XPNPEP3: variants seen among roughly 807,000 people sequenced by gnomAD.
XPNPEP3 encodes the protein X-prolyl aminopeptidase 3, also known as xaa-Pro aminopeptidase 3.
Under a neutral mutation model 60.0 loss-of-function variants are expected in XPNPEP3, and 41 were observed. The ratio of observed to expected loss-of-function variants is 0.68; its 90% CI spans 0.53 to 0.89. The LOEUF is 0.89. Ranked by LOEUF, XPNPEP3 falls within the 40% of genes least tolerant of loss-of-function variation. The probability of loss-of-function intolerance (pLI) is 0.00; values close to 1 mark genes in which losing one functional copy is unlikely to be tolerated. For synonymous variants in XPNPEP3, 212 were observed against 223.2 expected (o/e 0.95, Z 0.45); for missense variants, 598 against 638.9 (o/e 0.94, Z 0.69).
intron 2 of XPNPEP3, among the ~76,000 whole-genome samples, chr22:40,871,338 A>G (rs2058004652): frequency 6.6e-6 from 1 of 152,106 alleles, no homozygotes; most frequent in Non-Finnish European, 1.5e-5. Context: ...GGGTGACAGA[A>G]TGAGACCGTG....
At chr22:40,870,869 C>CA (rs1220852201) in intron 2 of XPNPEP3, among the ~76,000 whole-genome samples, 5 of 148,086 alleles carry the variant, frequency 3.4e-5, no homozygotes, top group Middle Eastern at 3.5e-3. Flanking sequence ...AAATACCCCC[C>CA]AAAAAAAAAA....
chr22:40,858,908 T>G (rs1219880925), intron 1 of XPNPEP3, among the ~76,000 whole-genome samples: 1 of 152,198 alleles, frequency 6.6e-6, no homozygotes, highest in Non-Finnish European at 1.5e-5. Context: ...TCAAATACTT[T>G]TGGGGAATGC....
In XPNPEP3 at chr22:40,922,350, C is replaced by A. The variant is rs770399269; in HGVS notation, c.1073C>A (p.Ala358Glu). 1.9e-6 allele frequency: 3 copies of A among 1,613,858 alleles called. No individual in the cohort carries two copies. The South Asian group carries it at 3.3e-5, about 18-fold the overall frequency. The change falls in exon 8 of 10, where the codon GCA (alanine) becomes GAA (glutamate). Residue 358 changes from alanine to glutamate, a missense_variant. Transcript: ENST00000357137. ...GTCCCCAGGTTCACCGCACCTCAGG[C>A]AGAACTCTATGAAGCCGTTCTAGAG... ...PVNGRFTAPQ[A>E]ELYEAVLEIQ...
intron 4 of XPNPEP3, among the ~76,000 whole-genome samples, chr22:40,886,959 GTAGTGAACATACC>G (rs1255332975): frequency 1.3e-5 from 2 of 152,120 alleles, no homozygotes; most frequent in African/African-American, 4.8e-5. Flanking sequence ...GCTCCAGTGT[GTAGTGAACATACC>G]TAGAGACTTG....
intron 3 of XPNPEP3, among the ~76,000 whole-genome samples, chr22:40,884,531 A>AGTAGAGACAAG (rs2058061045): frequency 6.6e-6 from 1 of 150,510 alleles, no homozygotes; most frequent in African/African-American, 2.4e-5. Context: ...ACAAGGTTTT[A>AGTAGAGACAAG]CCATGTTAGT....
chr22:40,914,341 G>GT lies in XPNPEP3; in HGVS notation c.1055+18dup, dbSNP rs1569030752. 1.2e-6 allele frequency: 2 copies of GT among 1,603,594 alleles called. No homozygotes were observed. The highest frequency in any genetic ancestry group is 4.5e-5 in the East Asian group (2 of 44,812). ...CAATGGCAGGTAGGGCTTCTACAGA[G>GT]TAACGTATCCCACTGCTTCTTAGGA... On this transcript the variant is annotated intron_variant, in intron 7 of 9. Transcript: ENST00000357137.
chr22:40,911,509 C>G (rs1601516801), intron 6 of XPNPEP3, among the ~76,000 whole-genome samples: 1 of 149,548 alleles, frequency 6.7e-6, no homozygotes, highest in East Asian at 2.0e-4. Flanking sequence ...CATTCAGTAT[C>G]TCTCCTATAT....
chr22:40,865,692 G>A (rs1274946493), intron 1 of XPNPEP3, among the ~76,000 whole-genome samples: 1 of 145,490 alleles, frequency 6.9e-6, no homozygotes, highest in Non-Finnish European at 1.5e-5. Flanking sequence ...CTTTTTTTGT[G>A]GGGGGCGGGG....
intron 1 of XPNPEP3, among the ~76,000 whole-genome samples, chr22:40,858,315 C>G (rs2057916534): frequency 6.6e-6 from 1 of 151,558 alleles, no homozygotes; most frequent in Non-Finnish European, 1.5e-5. Context: ...CCACGTTGGC[C>G]AAGCTGATCT....
chr22:40,891,568 G>C (rs567590061), intron 4 of XPNPEP3, among the ~76,000 whole-genome samples: 2 of 151,874 alleles, frequency 1.3e-5, no homozygotes, highest in Non-Finnish European at 2.9e-5. Context: ...CAGGGGAATC[G>C]CTCGAACCTG....
chr22:40,869,811 T>A (rs1230346475), intron 2 of XPNPEP3, among the ~76,000 whole-genome samples: 1 of 152,210 alleles, frequency 6.6e-6, no homozygotes, highest in Non-Finnish European at 1.5e-5. Context: ...CTAATGAATA[T>A]CTCAGAGAGG....
Position 40,927,080 on chromosome 22 carries a change from C to T in XPNPEP3, c.*645C>T, listed in dbSNP as rs1746411552. ...ACCTACCAAACAAAACACTTCTGAG[C>T]TTTTCTTGCCATTTGGTTGCCTGGG... On this transcript the variant is annotated 3_prime_UTR_variant, in exon 10 of 10. Coordinates refer to ENST00000357137, the MANE Select transcript of XPNPEP3 (RefSeq NM_022098.4). 1 of 153,798 alleles carries T rather than the reference C, an allele frequency of 6.5e-6. No individual in the cohort carries two copies. The highest frequency in any genetic ancestry group is 2.4e-5 in the African/African-American group (1 of 41,442). 9.5% of individuals were successfully genotyped at this position (153,798 alleles called of 1,614,324 possible).
chr22:40,921,422 CAGG>C (rs1216740207), intron 7 of XPNPEP3, among the ~76,000 whole-genome samples: 1 of 148,120 alleles, frequency 6.8e-6, no homozygotes, highest in Non-Finnish European at 1.5e-5. Flanking sequence ...GAGGCCAAGG[CAGG>C]AGGATCGTTT....
intron 6 of XPNPEP3, among the ~76,000 whole-genome samples, chr22:40,909,823 C>T (rs770470843): frequency 6.6e-6 from 1 of 151,340 alleles, no homozygotes; most frequent in African/African-American, 2.4e-5. Context: ...TATTTAAAAA[C>T]CTAAAACAAC....
chr22:40,864,350 A>G (rs554932361), intron 1 of XPNPEP3, among the ~76,000 whole-genome samples: 3 of 152,182 alleles, frequency 2.0e-5, no homozygotes, highest in Non-Finnish European at 4.4e-5. Flanking sequence ...TTTTAAGAAC[A>G]TCACAGGTAA....
At chr22:40,864,567 C>T (rs765613288) in intron 1 of XPNPEP3, among the ~76,000 whole-genome samples, 5 of 151,852 alleles carry the variant, frequency 3.3e-5, no homozygotes, top group Non-Finnish European at 5.9e-5. Flanking sequence ...TGCCTCAGCC[C>T]GCTGAGTAGC....
At chr22:40,909,816 TTAAAAACC>T (rs2058170647) in intron 6 of XPNPEP3, among the ~76,000 whole-genome samples, 1 of 151,486 alleles carries the variant, frequency 6.6e-6, no homozygotes, top group Non-Finnish European at 1.5e-5. Context: ...ATTTAAATAT[TTAAAAACC>T]TAAAACAACA....
chr22:40,916,726 A>G (rs889478210), intron 7 of XPNPEP3, among the ~76,000 whole-genome samples: 1 of 152,200 alleles, frequency 6.6e-6, no homozygotes, highest in Non-Finnish European at 1.5e-5. Flanking sequence ...TAGTTATATC[A>G]AATATATTAC....
intron 3 of XPNPEP3, among the ~76,000 whole-genome samples, chr22:40,883,195 C>T (rs575276640): frequency 9.9e-5 from 15 of 152,244 alleles, no homozygotes; most frequent in Admixed American, 6.5e-4. Context: ...TCTCCAAGAA[C>T]GATCCATGCA....
Sources: allele counts gnomAD v4.1 joint callset (sites outside exome capture counted in the v4.1 genomes callset), GRCh38; gene constraint gnomAD v4.1.1; transcripts MANE v1.5; gene names NCBI Gene and HGNC (gene_info 2026-07-23, HGNC 2026-07-21).